AHNAK: variants seen among roughly 807,000 people sequenced by gnomAD.
AHNAK encodes the protein neuroblast differentiation-associated protein AHNAK.
A neutral mutation model predicts 37.8 loss-of-function variants in AHNAK; 23 were observed. The ratio of observed to expected loss-of-function variants is 0.61; its 90% CI spans 0.44 to 0.86. The LOEUF is 0.86. Among genes scored for constraint, AHNAK ranks in the 40% least tolerant of loss-of-function variants. The pLI is 0.00. For missense variants in AHNAK, 7,411 were observed against 7,319.4 expected, an observed-to-expected ratio of 1.01 and a Z score of -0.46; for synonymous variants, 2,481 against 2,636.3, an observed-to-expected ratio of 0.94 and a Z score of 1.80.
intron 5 of AHNAK, among the ~76,000 whole-genome samples, chr11:62,481,101 TTGGTTTTTTTTTTG>T (rs1222453137): frequency 9.2e-6 from 1 of 108,482 alleles, no homozygotes; most frequent in East Asian, 2.4e-4. Flanking sequence ...TTTTTTTTTT[TTGGTTTTTTTTTTG>T]TTTTTTTGAG....
rs1395978185 is a variant in AHNAK, at chr11:62,532,516, G to C, written c.1901C>G (p.Pro634Arg). The change falls in exon 5 of 5, where the codon CCC becomes CGC. Residue 634 changes from proline to arginine, a missense_variant. Pro to Arg is a moderately radical substitution (Grantham distance 103). Transcript: ENST00000378024. ...TTTGGCTCCTGGAGTGCTGAACGTG[G>C]GCATTTTCATCTTGGGCATTTTCAG... ...WNLKMPKMKM[P>R]TFSTPGAKGE... is the part of the protein sequence containing the mutation. 1 of 1,613,894 alleles carries C rather than the reference G, an allele frequency of 6.2e-7. No homozygotes were observed. The highest frequency in any genetic ancestry group is 2.2e-5 in the East Asian group (1 of 44,892).
chr11:62,520,747 C>G lies in AHNAK; in HGVS notation c.13670G>C (p.Gly4557Ala), dbSNP rs779629575. 6.2e-7 allele frequency: 1 copy of G among 1,613,934 alleles called. No homozygotes were observed. Residue 4557 changes from glycine (G) to alanine (A), a missense_variant, in exon 5 of 5, where the codon GGC becomes GCC. Gly to Ala is a moderately conservative substitution (Grantham distance 60). Transcript: ENST00000378024. ...AGGAGTGTCAATGCCCACTTTAGGG[C>G]CTTTGACATCCACTTTGGGACCTTT... is the stretch of plus-strand genomic sequence containing the variant. ...DLKGPKVDVK[G>A]PKVGIDTPDI... is the part of the protein sequence containing the mutation.
chr11:62,524,125 C>T lies in AHNAK; in HGVS notation c.10292G>A (p.Gly3431Glu), dbSNP rs746187946. Residue 3431 changes from glycine to glutamate, a missense_variant, in exon 5 of 5, where the codon GGA (glycine) becomes GAA (glutamate). Gly to Glu is a moderately conservative substitution (Grantham distance 98). Transcript: ENST00000378024. ...ELNLKSPKVK[G>E]DLDIAGPNLE... is the part of the protein sequence containing the mutation. Reference sequence around the variant, plus strand: ...ATTGGGACCTGCAATATCTAAGTCTCCTTTGACTTTGGGACTTTTCAAATT... The same window carrying T: ...ATTGGGACCTGCAATATCTAAGTCTTCTTTGACTTTGGGACTTTTCAAATT... 5 of 1,614,112 alleles carry T rather than the reference C, an allele frequency of 3.1e-6. No homozygotes were observed. In the Admixed American group the frequency reaches 8.3e-5, roughly 27 times the overall value.
intron 5 of AHNAK, among the ~76,000 whole-genome samples, chr11:62,458,022 T>C (rs1000111761): frequency 6.6e-6 from 1 of 150,792 alleles, no homozygotes; most frequent in Non-Finnish European, 1.5e-5. Context: ...CCAGCGATTC[T>C]CCTGCCTCAG....
intron 5 of AHNAK, among the ~76,000 whole-genome samples, chr11:62,440,696 A>G (rs1331466195): frequency 1.3e-5 from 2 of 152,172 alleles, no homozygotes; most frequent in Non-Finnish European, 2.9e-5. Flanking sequence ...AGGGAACAAC[A>G]GAGATCTGCA....
At position 62,533,224 on chromosome 11, in the gene AHNAK, T is replaced by A. The variant is rs1285036677; in HGVS notation, c.1193A>T (p.Asp398Val). The change falls in exon 5 of 5, where the codon GAT becomes GTT. Residue 398 changes from aspartate to valine, a missense_variant. Transcript: ENST00000378024. Reference sequence around the variant, plus strand: ...ACCCCCAATTTGGGGAGCAGAGGCATCCACCCCAATGTGCCCCTGTGGCTT... The same window carrying A: ...ACCCCCAATTTGGGGAGCAGAGGCAACCACCCCAATGTGCCCCTGTGGCTT... ...GAKPQGHIGVDASAPQIGGSI... is the reference protein window; with the variant it reads ...GAKPQGHIGVVASAPQIGGSI... 2 of 1,526,686 alleles carry A rather than the reference T, an allele frequency of 1.3e-6. No homozygotes were observed. The highest frequency in any genetic ancestry group is 8.8e-7 in the Non-Finnish European group (1 of 1,141,836). The allele number at this position is 1,526,686 out of a possible 1,614,324, so 94.6% of individuals were successfully genotyped here.
At position 62,533,745 on chromosome 11, in the gene AHNAK, G is replaced by T. The variant is rs138535789; in HGVS notation, c.672C>A (p.Ile224=). 1.3e-4 allele frequency: 213 copies of T among 1,614,024 alleles called. 1 individual carries two copies. The highest frequency in any genetic ancestry group is 3.0e-4 in the Admixed American group (18 of 60,004). ...AASPTGSAVD[I]RAGAISASGP... ...CTGAAGCAGAAATGGCCCCTGCTCG[G>T]ATATCCACAGCAGAGCCTGTCGGAG... The change falls in exon 5 of 5, where the codon ATC becomes ATA. Residue 224 remains isoleucine (I), a synonymous_variant. Coordinates refer to ENST00000378024, the MANE Select transcript of AHNAK (RefSeq NM_001620.3).
intron 5 of AHNAK, among the ~76,000 whole-genome samples, chr11:62,464,324 C>T (rs1209596921): frequency 1.3e-5 from 2 of 151,912 alleles, no homozygotes; most frequent in African/African-American, 4.8e-5. Context: ...TCCCAAAGTG[C>T]TGGGGTTACA....
intron 4 of AHNAK, among the ~76,000 whole-genome samples, chr11:62,504,174 G>GAGAGAGAGAGAAAGAAAAAGAA (rs1939764838): frequency 6.6e-6 from 1 of 151,908 alleles, no homozygotes; most frequent in Non-Finnish European, 1.5e-5. Context: ...AACAGAAAGA[G>GAGAGAGAGAGAAAGAAAAAGAA]AGAGAGAGAG....
intron 1 of AHNAK, among the ~76,000 whole-genome samples, chr11:62,544,190 G>A (rs1941228585): frequency 6.6e-6 from 1 of 152,130 alleles, no homozygotes; most frequent in African/African-American, 2.4e-5. Context: ...ACTTCCTGAG[G>A]GCTAAGATGA....
intron 5 of AHNAK, among the ~76,000 whole-genome samples, chr11:62,470,179 G>A (rs7944009): frequency 0.35 from 52,702 of 151,456 alleles, 11,686 homozygotes; most frequent in Non-Finnish European, 0.51. Flanking sequence ...CAGGTGCAGT[G>A]GCTCACGCCT....
chr11:62,467,429 A>T (rs911999271), intron 5 of AHNAK, among the ~76,000 whole-genome samples: 1 of 152,182 alleles, frequency 6.6e-6, no homozygotes, highest in African/African-American at 2.4e-5. Context: ...TCACGCCTGT[A>T]ATCCCAGCAC....
chr11:62,448,018 G>A (rs7926474), intron 5 of AHNAK, among the ~76,000 whole-genome samples: 1 of 152,124 alleles, frequency 6.6e-6, no homozygotes, highest in Non-Finnish European at 1.5e-5. Context: ...GGGACATTTA[G>A]CTTGAAGTTT....
intron 5 of AHNAK, among the ~76,000 whole-genome samples, chr11:62,435,637 T>A (rs1446949074): frequency 6.6e-6 from 1 of 152,164 alleles, no homozygotes; most frequent in African/African-American, 2.4e-5. Flanking sequence ...ATGGTCTCGA[T>A]CTCCTGACCT....
chr11:62,442,505 G>A (rs547033870), intron 5 of AHNAK, among the ~76,000 whole-genome samples: 13 of 152,240 alleles, frequency 8.5e-5, no homozygotes, highest in Admixed American at 1.3e-4. Context: ...CCGTGATTGT[G>A]CCACTGCACT....
intron 5 of AHNAK, among the ~76,000 whole-genome samples, chr11:62,443,246 G>GATT (rs1938349553): frequency 1.3e-5 from 2 of 148,844 alleles, no homozygotes; most frequent in Non-Finnish European, 3.0e-5. Context: ...AAAGTGCTGG[G>GATT]ATTACAGGTG....
chr11:62,471,301 C>T (rs910911226), intron 5 of AHNAK, among the ~76,000 whole-genome samples: 28 of 152,080 alleles, frequency 1.8e-4, no homozygotes, highest in African/African-American at 6.5e-4. Flanking sequence ...CTAGGGGGGG[C>T]TTCCACTGGC....
In AHNAK at chr11:62,494,646, G is replaced by A. The variant is rs573312182; in HGVS notation, c.343-2815C>T. 1.8e-3 allele frequency among the ~76,000 whole-genome samples: 279 copies of A among 152,134 alleles called. 1 individual carries two copies. The highest frequency in any genetic ancestry group is 3.0e-3 in the Non-Finnish European group (207 of 68,020). On this transcript the variant is annotated intron_variant, in intron 4 of 5. Transcript: ENST00000257247. ...CTTCGAGAGGCCAAGGTAGGCAAAT[G>A]GCTTGAGCCCAGGAGTTCAAAATCA...
At chr11:62,462,253 C>T (rs1039952925) in intron 5 of AHNAK, among the ~76,000 whole-genome samples, 2 of 151,996 alleles carry the variant, frequency 1.3e-5, no homozygotes, top group African/African-American at 4.8e-5. Context: ...ACCTGACCTC[C>T]GCCCTCCCAT....
Sources: allele counts gnomAD v4.1 joint callset (sites outside exome capture counted in the v4.1 genomes callset), GRCh38; gene constraint gnomAD v4.1.1; transcripts MANE v1.5; gene names NCBI Gene and HGNC (gene_info 2026-07-23, HGNC 2026-07-21).